Variants in NEBL observed in about 807,000 individuals in gnomAD.
The protein encoded by NEBL is LIM and SH3 protein 2.
Under a neutral mutation model 140.2 loss-of-function variants are expected in NEBL, and 122 were observed. That is an observed-to-expected ratio of 0.87 (90% CI 0.75 to 1.01). NEBL has a LOEUF of 1.01. Ranked by LOEUF, NEBL falls within the 50% of genes least tolerant of loss-of-function variation. NEBL has a pLI of 0.00. For missense variants in NEBL, 1,365 were observed against 1,231.3 expected, an observed-to-expected ratio of 1.11 and a Z score of -1.62; for synonymous variants, 436 against 398.9, an observed-to-expected ratio of 1.09 and a Z score of -1.11.
chr10:20,998,396 C>T (rs908244157), intron 3 of NEBL, among the ~76,000 whole-genome samples: 1 of 152,136 alleles, frequency 6.6e-6, no homozygotes, highest in African/African-American at 2.4e-5. Context: ...ACTGGCTCAT[C>T]GTTAACTCCC....
intron 3 of NEBL, among the ~76,000 whole-genome samples, chr10:20,991,717 A>G (rs1179733928): frequency 1.3e-5 from 2 of 151,882 alleles, no homozygotes; most frequent in African/African-American, 2.4e-5. Flanking sequence ...TTGCCCAGGT[A>G]GTGAACATAG....
intron 2 of NEBL, among the ~76,000 whole-genome samples, chr10:21,043,860 A>T (rs1342977554): frequency 6.6e-6 from 1 of 152,220 alleles, no homozygotes; most frequent in Non-Finnish European, 1.5e-5. Flanking sequence ...ATTATCTATT[A>T]TAAAATTTAA....
At position 20,840,704 on chromosome 10, in the gene NEBL, C is replaced by T. The variant is rs765456383; in HGVS notation, c.1338+35G>A. ...GACAAATAAGAAAGTCAGCTAAAAA[C>T]ATATTCATCTAAGGTGTTAAATAAA... On this transcript the variant is annotated intron_variant, in intron 13 of 27. Transcript: ENST00000377122. 5.8e-6 allele frequency: 8 copies of T among 1,373,442 alleles called. No homozygotes were observed. The East Asian group carries it at 1.8e-4, about 31-fold the overall frequency. 85.1% of individuals were successfully genotyped at this position (1,373,442 alleles called of 1,614,324 possible).
Position 21,261,488 on chromosome 10 carries a change from T to C in NEBL, n.183-9660A>G, listed in dbSNP as rs115470412. Reference sequence around the variant, plus strand: ...CAACCTGGGCAACAAAGTGAGGCACTATCCCTACAAACAATATAAAAATCA... The same window carrying C: ...CAACCTGGGCAACAAAGTGAGGCACCATCCCTACAAACAATATAAAAATCA... On this transcript the variant is annotated intron_variant and non_coding_transcript_variant, in intron 1 of 8. Transcript: ENST00000675702. 6.5e-3 allele frequency among the ~76,000 whole-genome samples: 988 copies of C among 151,990 alleles called. 13 individuals are homozygous for C. The highest frequency in any genetic ancestry group is 0.022 in the African/African-American group (931 of 41,470).
intron 2 of NEBL, among the ~76,000 whole-genome samples, chr10:21,160,582 T>C (rs1840516639): frequency 7.6e-6 from 1 of 131,242 alleles, no homozygotes; most frequent in African/African-American, 2.9e-5. Context: ...ATCAGAGAAC[T>C]ACGTCACTGG....
At chr10:20,977,642 G>T (rs910050275) in intron 3 of NEBL, among the ~76,000 whole-genome samples, 8 of 152,116 alleles carry the variant, frequency 5.3e-5, no homozygotes, top group Non-Finnish European at 1.0e-4. Context: ...TTCTGCCAGA[G>T]ATTGAATCAA....
At chr10:21,262,816 T>C (rs1588576207) in intron 1 of NEBL, among the ~76,000 whole-genome samples, 1 of 152,080 alleles carries the variant, frequency 6.6e-6, no homozygotes, top group Non-Finnish European at 1.5e-5. Context: ...GGTGTAGTGG[T>C]TTTCCAGTGT....
intron 3 of NEBL, among the ~76,000 whole-genome samples, chr10:21,244,583 T>C (rs1424864690): frequency 1.3e-5 from 2 of 151,546 alleles, no homozygotes; most frequent in African/African-American, 2.4e-5. Flanking sequence ...ACCTGGGAGA[T>C]AGAGGTTGCA....
chr10:20,917,720 C>T (rs1477926544), intron 4 of NEBL, among the ~76,000 whole-genome samples: 1 of 152,136 alleles, frequency 6.6e-6, no homozygotes, highest in African/African-American at 2.4e-5. Flanking sequence ...TAGCAGCAAC[C>T]ATGTCTATAA....
At chr10:21,217,580 G>A (rs1842011713) in intron 3 of NEBL, among the ~76,000 whole-genome samples, 1 of 152,170 alleles carries the variant, frequency 6.6e-6, no homozygotes, top group African/African-American at 2.4e-5. Flanking sequence ...CCACACAACT[G>A]TGGATTCAAA....
At chr10:20,828,783 GGT>G in intron 16 of NEBL, 149 bp from the exon 17 acceptor site, 1 of 620,794 alleles carries the variant, frequency 1.6e-6, no homozygotes. Flanking sequence ...GAGAGAGAGA[GGT>G]GGAGAGACAG....
At chr10:20,897,345 C>T (rs1847603455), upstream of NEBL, 31 of 1,469,000 alleles carry the variant, frequency 2.1e-5, no homozygotes, top group Non-Finnish European at 2.7e-5. Flanking sequence ...ATTTAGCCCA[C>T]ACTTCACTCC....
chr10:21,131,439 T>C (rs1056135092), intron 2 of NEBL, among the ~76,000 whole-genome samples: 1 of 152,132 alleles, frequency 6.6e-6, no homozygotes, highest in Non-Finnish European at 1.5e-5. Context: ...ATTGACCATA[T>C]TGTATCCTCC....
intron 1 of NEBL, among the ~76,000 whole-genome samples, chr10:21,269,373 C>T (rs1398762843): frequency 4.6e-5 from 7 of 152,196 alleles, no homozygotes; most frequent in Admixed American, 1.3e-4. Context: ...AAGGCAGATT[C>T]GTAGAGATGG....
At chr10:21,060,203 T>A (rs977754368) in intron 2 of NEBL, among the ~76,000 whole-genome samples, 1 of 152,198 alleles carries the variant, frequency 6.6e-6, no homozygotes, top group African/African-American at 2.4e-5. Context: ...AGCCTCTCAG[T>A]GTAAAGCACA....
chr10:20,961,996 C>A (rs1002208371), intron 3 of NEBL, among the ~76,000 whole-genome samples: 1 of 152,160 alleles, frequency 6.6e-6, no homozygotes, highest in Non-Finnish European at 1.5e-5. Context: ...AGTTCTTTAA[C>A]CACTCTGTGC....
At chr10:21,140,148 G>A (rs970768203) in intron 2 of NEBL, among the ~76,000 whole-genome samples, 2 of 152,056 alleles carry the variant, frequency 1.3e-5, no homozygotes, top group East Asian at 1.9e-4. Context: ...TCGACAGAGC[G>A]AGACTCTGTC....
At chr10:20,995,242 C>T in intron 3 of NEBL, among the ~76,000 whole-genome samples, 1 of 152,150 alleles carries the variant, frequency 6.6e-6, no homozygotes, top group East Asian at 1.9e-4. Flanking sequence ...CCAGAGCTGA[C>T]AGAGCCGGCA....
chr10:20,945,154 G>C (rs1835092425), intron 4 of NEBL, among the ~76,000 whole-genome samples: 1 of 152,186 alleles, frequency 6.6e-6, no homozygotes, highest in African/African-American at 2.4e-5. Context: ...TACATGCGAA[G>C]TTTTTTGCCA....
Sources: allele counts gnomAD v4.1 joint callset (sites outside exome capture counted in the v4.1 genomes callset), GRCh38; gene constraint gnomAD v4.1.1; transcripts MANE v1.5; gene names NCBI Gene and HGNC (gene_info 2026-07-23, HGNC 2026-07-21).